PCDH15: variants seen among roughly 807,000 people sequenced by gnomAD.
The protein encoded by PCDH15 is protocadherin-15.
In PCDH15, 129 loss-of-function variants were observed where a neutral mutation model predicts 178.5. The ratio of observed to expected loss-of-function variants is 0.72; its 90% CI spans 0.63 to 0.84. The LOEUF is 0.84. Among genes scored for constraint, PCDH15 ranks in the 40% least tolerant of loss-of-function variants. PCDH15 has a pLI of 0.00. For synonymous variants in PCDH15, 800 were observed against 732.0 expected (o/e 1.09, Z -1.50); for missense variants, 2,230 against 2,099.9 (o/e 1.06, Z -1.21).
intron 1 of PCDH15, among the ~76,000 whole-genome samples, chr10:55,267,931 C>T (rs556869923): frequency 6.6e-6 from 1 of 152,124 alleles, no homozygotes; most frequent in South Asian, 2.1e-4. Context: ...ATGTCTCACT[C>T]ATCCTTAAAA....
intron 16 of PCDH15, among the ~76,000 whole-genome samples, chr10:54,086,251 A>T (rs2094515110): frequency 6.6e-6 from 1 of 152,132 alleles, no homozygotes; most frequent in South Asian, 2.1e-4. Context: ...TGAGAAAGGA[A>T]GCAAGAAAGG....
At chr10:54,242,092 A>G (rs2055367036) in intron 8 of PCDH15, among the ~76,000 whole-genome samples, 1 of 133,540 alleles carries the variant, frequency 7.5e-6, no homozygotes, top group Non-Finnish European at 1.6e-5. Context: ...AAACCTCACT[A>G]CCAGATTGAA....
chr10:55,600,862 T>C (rs936719513), intron 2 of PCDH15, among the ~76,000 whole-genome samples: 1 of 152,066 alleles, frequency 6.6e-6, no homozygotes, highest in Non-Finnish European at 1.5e-5. Context: ...TCTCCTTTTT[T>C]AAAATTTTTT....
At chr10:53,893,280 T>C (rs545581841) in intron 26 of PCDH15, among the ~76,000 whole-genome samples, 1 of 152,264 alleles carries the variant, frequency 6.6e-6, no homozygotes, top group South Asian at 2.1e-4. Flanking sequence ...CAAGTCTGAG[T>C]TTCTAATTTG....
intron 1 of PCDH15, among the ~76,000 whole-genome samples, chr10:54,756,056 A>AACACACACACACACACACACACACACAC (rs71014414): frequency 1.4e-5 from 1 of 71,676 alleles, no homozygotes; most frequent in African/African-American, 4.4e-5. Flanking sequence ...CTCTACTAAA[A>AACACACACACACACACACACACACACAC]ACACACACAC....
At chr10:54,555,129 A>G (rs2087037857) in intron 2 of PCDH15, among the ~76,000 whole-genome samples, 1 of 152,174 alleles carries the variant, frequency 6.6e-6, no homozygotes, top group Admixed American at 6.6e-5. Context: ...CTGATGTCCC[A>G]TTTCTCTAAA....
chr10:54,602,124 A>C (rs1590406609), intron 2 of PCDH15, among the ~76,000 whole-genome samples: 1 of 151,806 alleles, frequency 6.6e-6, no homozygotes, highest in Admixed American at 6.6e-5. Context: ...ATATACCCCT[A>C]AACCTAAAAG....
intron 2 of PCDH15, among the ~76,000 whole-genome samples, chr10:54,627,160 C>T (rs1315120732): frequency 6.6e-6 from 1 of 152,136 alleles, no homozygotes; most frequent in Non-Finnish European, 1.5e-5. Context: ...GCAGAAGGCC[C>T]TTGCCTTGTC....
chr10:54,050,535 A>G (rs1403851280), intron 18 of PCDH15, among the ~76,000 whole-genome samples: 2 of 152,038 alleles, frequency 1.3e-5, no homozygotes, highest in East Asian at 1.9e-4. Context: ...GATCCTTTAT[A>G]TAGATTTTGG....
chr10:54,210,586 GA>G (rs1591189758), intron 10 of PCDH15, among the ~76,000 whole-genome samples: 2 of 152,026 alleles, frequency 1.3e-5, no homozygotes, highest in East Asian at 3.9e-4. Context: ...GTTAAAAACT[GA>G]AACATCAGTT....
At chr10:55,104,363 C>A (rs573163643) in intron 2 of PCDH15, among the ~76,000 whole-genome samples, 1 of 152,192 alleles carries the variant, frequency 6.6e-6, no homozygotes, top group African/African-American at 2.4e-5. Context: ...AGCCAAACAC[C>A]TTTCTAAAAT....
At chr10:53,881,784 C>A (rs570916093) in intron 26 of PCDH15, among the ~76,000 whole-genome samples, 1 of 152,032 alleles carries the variant, frequency 6.6e-6, no homozygotes, top group Non-Finnish European at 1.5e-5. Context: ...ATACTGGGAA[C>A]TAAGTAAAAA....
At chr10:53,871,740 G>GTTTTT (rs1245941549) in intron 26 of PCDH15, among the ~76,000 whole-genome samples, 1 of 151,152 alleles carries the variant, frequency 6.6e-6, no homozygotes, top group African/African-American at 2.4e-5. Flanking sequence ...GTTTTGTTTT[G>GTTTTT]TTTTGTTTTG....
intron 2 of PCDH15, among the ~76,000 whole-genome samples, chr10:54,602,445 A>C (rs2092582190): frequency 1.3e-5 from 2 of 151,946 alleles, no homozygotes; most frequent in South Asian, 4.1e-4. Flanking sequence ...AAACAGAGAT[A>C]ATATTACTGT....
Position 54,000,401 on chromosome 10 carries a change from T to C in PCDH15, c.2752-4636A>G, listed in dbSNP as rs375027856. Among the ~76,000 whole-genome samples, 7 of 152,192 alleles carry C rather than the reference T, an allele frequency of 4.6e-5. No individual in the cohort carries two copies. The East Asian group carries it at 1.2e-3, about 25-fold the overall frequency. ...GATCTTTCAGACAGAGAATTCAAAA[T>C]AGTTGTTTTGAGAAAACTCAAAAAA... On this transcript the variant is annotated intron_variant, in intron 20 of 37. Transcript: ENST00000644397.
intron 8 of PCDH15, among the ~76,000 whole-genome samples, chr10:54,314,932 T>C (rs534440437): frequency 4.7e-4 from 72 of 152,198 alleles, no homozygotes; most frequent in Admixed American, 2.2e-3. Flanking sequence ...TTATCCAATC[T>C]GTCATTCATG....
intron 3 of PCDH15, among the ~76,000 whole-genome samples, chr10:54,510,607 C>T (rs1368095986): frequency 6.6e-6 from 1 of 152,096 alleles, no homozygotes; most frequent in African/African-American, 2.4e-5. Context: ...GGCCAAGGCT[C>T]TTCAGGAACA....
At chr10:55,284,691 AC>A (rs1237354145) in intron 1 of PCDH15, among the ~76,000 whole-genome samples, 2 of 151,948 alleles carry the variant, frequency 1.3e-5, no homozygotes, top group Admixed American at 6.6e-5. Context: ...TGAATCTCTA[AC>A]CTGTCTTTTG....
intron 20 of PCDH15, among the ~76,000 whole-genome samples, chr10:54,014,691 G>A (rs1214117666): frequency 6.6e-6 from 1 of 152,022 alleles, no homozygotes; most frequent in Non-Finnish European, 1.5e-5. Context: ...TGCAGAAAAG[G>A]ATTTCAATAA....
Sources: allele counts gnomAD v4.1 joint callset (sites outside exome capture counted in the v4.1 genomes callset), GRCh38; gene constraint gnomAD v4.1.1; transcripts MANE v1.5; gene names NCBI Gene and HGNC (gene_info 2026-07-23, HGNC 2026-07-21).